The following ERMAP variants were observed in gnomAD, a reference collection of about 807,000 sequenced individuals.
ERMAP encodes the protein erythroblast membrane associated protein (Scianna blood group).
ERMAP carries 34 observed loss-of-function variants against 49.5 expected under a neutral mutation model. That is an observed-to-expected ratio of 0.69 (90% CI 0.52 to 0.91). ERMAP has a LOEUF of 0.91. Ranked by LOEUF, ERMAP falls within the 40% of genes least tolerant of loss-of-function variation. ERMAP has a pLI of 0.00. For missense variants in ERMAP, 541 were observed against 582.6 expected, an observed-to-expected ratio of 0.93 and a Z score of 0.74; for synonymous variants, 214 against 232.2, an observed-to-expected ratio of 0.92 and a Z score of 0.71.
chr1:42,826,188 A>T (rs939427651), intron 2 of ERMAP, among the ~76,000 whole-genome samples: 1 of 152,240 alleles, frequency 6.6e-6, no homozygotes, highest in Non-Finnish European at 1.5e-5. Flanking sequence ...TGTAGTGGAA[A>T]AAAATGGTTA....
In ERMAP at chr1:42,830,938, C is replaced by A; in HGVS notation, c.256C>A (p.Gln86Lys). 6.2e-7 allele frequency: 1 copy of A among 1,614,178 alleles called. No homozygotes were observed. The highest frequency in any genetic ancestry group is 8.5e-7 in the Non-Finnish European group (1 of 1,180,038). ...AVHIFRDGKD[Q>K]DEDLMPEYKG... ...TCACATATTCCGGGATGGGAAGGAC[C>A]AGGATGAAGATCTGATGCCGGAATA... The change falls in exon 4 of 12, where the codon CAG becomes AAG. Residue 86 changes from glutamine (Q) to lysine (K), a missense_variant. Gln to Lys is a moderately conservative substitution (Grantham distance 53). Coordinates refer to ENST00000372517, the MANE Select transcript of ERMAP (RefSeq NM_001017922.2).
intron 3 of ERMAP, 86 bp from the exon 4 acceptor site, chr1:42,830,682 C>T (rs1278702469): frequency 1.3e-5 from 19 of 1,427,002 alleles, no homozygotes; most frequent in Non-Finnish European, 1.8e-5. Flanking sequence ...GGGCTCTGTC[C>T]GTCCCCGGGA....
At chr1:42,833,821 T>C (rs2124330742) in intron 4 of ERMAP, among the ~76,000 whole-genome samples, 1 of 152,286 alleles carries the variant, frequency 6.6e-6, no homozygotes, top group East Asian at 1.9e-4. Flanking sequence ...CCTCCCAAAG[T>C]GCTAGGATTA....
At position 42,825,652 on chromosome 1, in the gene ERMAP, G is replaced by A. The variant is rs1245420714; in HGVS notation, c.-92G>A. 2 of 1,289,186 alleles carry A rather than the reference G, an allele frequency of 1.6e-6. No homozygotes were observed. Among genetic ancestry groups the A allele is most frequent in the Non-Finnish European group, 1.0e-6 (1 of 988,868 alleles). The allele number at this position is 1,289,186 out of a possible 1,614,324, so 79.9% of individuals were successfully genotyped here. ...TCCTGATGCGCTTGCCTGCTCCCTG[G>A]TCTCTCTGCATGGGGAAGGAGTGTT... is the stretch of plus-strand genomic sequence containing the variant. On this transcript the variant is annotated 5_prime_UTR_variant, in exon 2 of 12. The change creates a premature stop within an existing upstream ORF in the 5' untranslated region. Transcript: ENST00000372517.
At chr1:42,836,766 A>C (rs1319206156) in intron 6 of ERMAP, among the ~76,000 whole-genome samples, 2 of 152,072 alleles carry the variant, frequency 1.3e-5, no homozygotes, top group African/African-American at 4.8e-5. Flanking sequence ...AGACAGGAGA[A>C]TTGCTTGAAC....
chr1:42,838,121 A>T (rs945917482), intron 7 of ERMAP, among the ~76,000 whole-genome samples: 3 of 152,206 alleles, frequency 2.0e-5, no homozygotes, highest in Non-Finnish European at 4.4e-5. Flanking sequence ...AATTCTAGGC[A>T]TCTCACATTA....
rs780299336 is a variant in ERMAP, at chr1:42,831,056, G to A, written c.374G>A (p.Arg125Gln). Residue 125 changes from arginine (R) to glutamine (Q), a missense_variant, in exon 4 of 12, where the codon CGA (arginine) becomes CAA (glutamine). Transcript: ENST00000372517. The stretch of plus-strand genomic sequence containing the variant: ...CGCCTTGAGGACCAAGGGTCTTACC[G>A]ATGTCTGATCCAAGTTGGAAATCTG... ...DVRLEDQGSY[R>Q]CLIQVGNLSK... 1.4e-5 allele frequency: 23 copies of A among 1,614,088 alleles called. No individual in the cohort carries two copies. The highest frequency in any genetic ancestry group is 8.0e-5 in the African/African-American group (6 of 74,924).
chr1:42,839,679 TATAC>T (rs1655002462), intron 8 of ERMAP: 7 of 344,310 alleles, frequency 2.0e-5, no homozygotes, highest in Non-Finnish European at 3.2e-5. Flanking sequence ...ATTGAGAAAA[TATAC>T]ATGATCACAA....
Position 42,842,947 on chromosome 1 carries a change from T to TA in ERMAP, c.1144dup (p.Thr382AsnfsTer15). 6.2e-7 allele frequency: 1 copy of TA among 1,614,242 alleles called. No homozygotes were observed. On this transcript the variant is annotated frameshift_variant, in exon 12 of 12. Coordinates refer to ENST00000372517, the MANE Select transcript of ERMAP (RefSeq NM_001017922.2). LOFTEE classifies it high-confidence loss of function. Reference sequence around the variant, plus strand: ...ATGTGACCAACAAGTCCCACATCTTTACTTTCACCCACAATTTCTCTGGCC... The same window carrying TA: ...ATGTGACCAACAAGTCCCACATCTTTAACTTTCACCCACAATTTCTCTGGCC...
intron 7 of ERMAP, among the ~76,000 whole-genome samples, chr1:42,838,417 A>G (rs1476713673): frequency 1.3e-5 from 2 of 152,202 alleles, no homozygotes; most frequent in Non-Finnish European, 2.9e-5. Context: ...CCAGAAACAC[A>G]TGTCTCATAC....
At chr1:42,825,422 C>A in intron 1 of ERMAP, 1 of 1,089,954 alleles carries the variant, frequency 9.2e-7, no homozygotes, top group Non-Finnish European at 1.1e-6. Flanking sequence ...GCAAACGTGC[C>A]TCCTACCCGG....
chr1:42,825,982 T>C (rs573177743), intron 2 of ERMAP, among the ~76,000 whole-genome samples: 1 of 152,300 alleles, frequency 6.6e-6, no homozygotes, highest in African/African-American at 2.4e-5. Context: ...AAAGCCAACA[T>C]TTATTTAGCT....
At chr1:42,831,249 C>T in intron 4 of ERMAP, 134 bp downstream of exon 4, 2 of 1,113,866 alleles carry the variant, frequency 1.8e-6, no homozygotes, top group South Asian at 1.6e-5. Context: ...ATGGCTCAGC[C>T]TTACCCAGCC....
At chr1:42,822,013 TAA>T (rs534622784) in intron 1 of ERMAP, among the ~76,000 whole-genome samples, 29 of 115,900 alleles carry the variant, frequency 2.5e-4, no homozygotes, top group Admixed American at 5.6e-4. Flanking sequence ...ACCCTAGCTC[TAA>T]AAAAAAAAAA....
At chr1:42,838,014 GA>G (rs1470531922) in intron 7 of ERMAP, 1 of 152,222 alleles carries the variant, frequency 6.6e-6, no homozygotes, top group African/African-American at 2.4e-5. Flanking sequence ...GACTTAGATT[GA>G]ATCCTGCCTC....
intron 5 of ERMAP, 23 bp downstream of exon 5, chr1:42,835,177 C>T (rs2124336745): frequency 1.0e-6 from 1 of 996,330 alleles, no homozygotes; most frequent in South Asian, 1.3e-5. Context: ...TAAGGGAGCT[C>T]AGGCTGGTGG....
intron 4 of ERMAP, 122 bp downstream of exon 4, chr1:42,831,237 G>T: frequency 8.0e-7 from 1 of 1,244,302 alleles, no homozygotes; most frequent in South Asian, 1.5e-5. Context: ...TTACTTGCCA[G>T]GATGGCTCAG....
chr1:42,825,349 T>C lies in ERMAP; in HGVS notation c.-121-274T>C, dbSNP rs117274156. 5.2e-4 allele frequency: 236 copies of C among 457,068 alleles called. 3 individuals carry two copies. In the East Asian group the frequency reaches 0.012, roughly 23 times the overall value. The allele number at this position is 457,068 out of a possible 1,614,324, so 28.3% of individuals were successfully genotyped here. ...GGGAAGGTTTTCAGAAAGAATGTGA[T>C]AGGATCAAAACGCATCAGAGGGAAT... On this transcript the variant is annotated intron_variant, in intron 1 of 11. Coordinates refer to ENST00000372517, the MANE Select transcript of ERMAP (RefSeq NM_001017922.2).
At chr1:42,836,919 AC>A (rs1654918401) in intron 6 of ERMAP, 2 of 389,570 alleles carry the variant, frequency 5.1e-6, no homozygotes, top group Non-Finnish European at 4.6e-6. Context: ...AAAAAAAAAA[AC>A]TAAACAATTC....
Sources: gnomAD v4.1 joint callset for allele counts (sites outside exome capture counted in the v4.1 genomes callset) on GRCh38, gnomAD v4.1.1 for gene constraint, MANE v1.5 for transcripts, NCBI Gene and HGNC (gene_info 2026-07-23, HGNC 2026-07-21) for gene names.